MEI4: variants seen among roughly 807,000 people sequenced by gnomAD.
The protein encoded by MEI4 is meiosis-specific protein MEI4.
Under a neutral mutation model 31.4 loss-of-function variants are expected in MEI4, and 27 were observed. That is an observed-to-expected ratio of 0.86 (90% CI 0.63 to 1.19). The LOEUF (loss-of-function observed/expected upper bound fraction) is 1.19. MEI4 is among the 50% of genes most tolerant of loss of function. The pLI, the probability that MEI4 is intolerant of heterozygous loss-of-function variation, is 0.00. For missense variants in MEI4, 329 were observed against 398.9 expected, an observed-to-expected ratio of 0.82 and a Z score of 1.49; for synonymous variants, 122 against 145.4, an observed-to-expected ratio of 0.84 and a Z score of 1.16.
chr6:77,745,232 G>A lies in MEI4; in HGVS notation c.233-15898G>A, dbSNP rs9448196. On this transcript the variant is annotated intron_variant, in intron 2 of 4. Coordinates refer to ENST00000684080, the MANE Select transcript of MEI4 (RefSeq NM_001322247.2). ...GCTATATTCAGTAAACCCATCTCAC[G>A]TGCAGAGACACACATAGGCTCAAAA... 6.9e-3 allele frequency among the ~76,000 whole-genome samples: 1,055 copies of A among 152,206 alleles called. 13 individuals carry two copies. The highest frequency in any genetic ancestry group is 0.024 in the African/African-American group (987 of 41,520).
At chr6:77,843,747 A>C (rs1770416195) in intron 4 of MEI4, among the ~76,000 whole-genome samples, 1 of 152,086 alleles carries the variant, frequency 6.6e-6, no homozygotes, top group African/African-American at 2.4e-5. Flanking sequence ...TGCAACTCAA[A>C]ATATGAAAAT....
chr6:77,902,869 A>G (rs1305363791), intron 4 of MEI4, among the ~76,000 whole-genome samples: 1 of 152,114 alleles, frequency 6.6e-6, no homozygotes, highest in African/African-American at 2.4e-5. Flanking sequence ...CCTAGAATGT[A>G]TAAAACCAAA....
chr6:77,651,788 G>A (rs1304746259), upstream of MEI4, among the ~76,000 whole-genome samples: 1 of 152,172 alleles, frequency 6.6e-6, no homozygotes, highest in East Asian at 1.9e-4. Flanking sequence ...AAATTCAGAT[G>A]TAAAATTTGA....
chr6:77,860,865 C>T (rs967017563), intron 4 of MEI4, among the ~76,000 whole-genome samples: 3 of 152,100 alleles, frequency 2.0e-5, no homozygotes, highest in African/African-American at 7.2e-5. Context: ...AACATTTTAT[C>T]TCTTCTTCTA....
intron 2 of MEI4, among the ~76,000 whole-genome samples, chr6:77,754,986 T>A (rs1767875828): frequency 6.6e-6 from 1 of 152,040 alleles, no homozygotes; most frequent in South Asian, 2.1e-4. Context: ...TATCAATGGG[T>A]TTAATTTTAT....
At chr6:77,652,287 G>C (rs1220297181), upstream of MEI4, among the ~76,000 whole-genome samples, 1 of 152,152 alleles carries the variant, frequency 6.6e-6, no homozygotes, top group African/African-American at 2.4e-5. Context: ...ATAATCATGG[G>C]AGTAAGGCTG....
chr6:77,753,490 G>A (rs546932144), intron 2 of MEI4, among the ~76,000 whole-genome samples: 10 of 152,140 alleles, frequency 6.6e-5, no homozygotes, highest in South Asian at 2.1e-4. Flanking sequence ...GCCAACAAAC[G>A]TATGAAAAAA....
intron 3 of MEI4, among the ~76,000 whole-genome samples, chr6:77,768,839 T>C (rs1438530883): frequency 1.3e-5 from 2 of 152,188 alleles, no homozygotes; most frequent in African/African-American, 2.4e-5. Flanking sequence ...TATAATTGCA[T>C]ATACAGCCTT....
At chr6:77,868,700 A>G (rs1771123808) in intron 4 of MEI4, among the ~76,000 whole-genome samples, 1 of 151,690 alleles carries the variant, frequency 6.6e-6, no homozygotes. Context: ...AGCCATATCT[A>G]AACTTATTTT....
intron 3 of MEI4, among the ~76,000 whole-genome samples, chr6:77,827,109 C>G (rs57593564): frequency 6.6e-6 from 1 of 152,026 alleles, no homozygotes; most frequent in African/African-American, 2.4e-5. Context: ...ACCTGTAATC[C>G]CAGCACTTTG....
chr6:77,918,165 C>T (rs1766611372), intron 4 of MEI4, among the ~76,000 whole-genome samples: 1 of 151,568 alleles, frequency 6.6e-6, no homozygotes, highest in Non-Finnish European at 1.5e-5. Flanking sequence ...GTTTTGGTTA[C>T]TGTAGCCTTG....
chr6:77,921,397 T>C (rs1766699618), intron 4 of MEI4, among the ~76,000 whole-genome samples: 1 of 151,826 alleles, frequency 6.6e-6, no homozygotes, highest in Non-Finnish European at 1.5e-5. Context: ...AGGTATTGGC[T>C]TAAGTGAATA....
intron 2 of MEI4, among the ~76,000 whole-genome samples, chr6:77,741,640 TTAAG>T (rs1243815220): frequency 6.6e-6 from 1 of 152,096 alleles, no homozygotes; most frequent in African/African-American, 2.4e-5. Context: ...TATTTTTAAT[TTAAG>T]TTTTAGGGTA....
At chr6:77,699,687 GT>G (rs2127655863) in intron 2 of MEI4, among the ~76,000 whole-genome samples, 1 of 152,118 alleles carries the variant, frequency 6.6e-6, no homozygotes, top group East Asian at 1.9e-4. Context: ...TTTCTGCTGT[GT>G]TTTTTCCCCA....
chr6:77,775,430 C>T (rs1371011443), intron 3 of MEI4, among the ~76,000 whole-genome samples: 1 of 152,050 alleles, frequency 6.6e-6, no homozygotes, highest in Non-Finnish European at 1.5e-5. Flanking sequence ...TGAGAACATA[C>T]AATGTCTGGT....
intron 1 of MEI4, among the ~76,000 whole-genome samples, chr6:77,678,526 C>T (rs1365527929): frequency 3.8e-5 from 1 of 26,358 alleles, no homozygotes; most frequent in Non-Finnish European, 6.5e-5. Context: ...CTGAAAAATC[C>T]TTGTCTCCTG....
chr6:77,776,800 TTAAC>T (rs1008929611), intron 3 of MEI4, among the ~76,000 whole-genome samples: 1 of 152,190 alleles, frequency 6.6e-6, no homozygotes, highest in Non-Finnish European at 1.5e-5. Context: ...ACAAAACATC[TTAAC>T]TAGCTAGGTC....
intron 2 of MEI4, among the ~76,000 whole-genome samples, chr6:77,742,851 T>A (rs958100797): frequency 1.3e-5 from 2 of 152,088 alleles, no homozygotes; most frequent in African/African-American, 4.8e-5. Flanking sequence ...CTAGCCAGTT[T>A]TCCCAGCACC....
At chr6:77,732,332 A>G (rs1170275609) in intron 2 of MEI4, among the ~76,000 whole-genome samples, 7 of 152,050 alleles carry the variant, frequency 4.6e-5, no homozygotes, top group South Asian at 2.1e-4. Flanking sequence ...TCTCCTTGAA[A>G]AGGTCCTTCA....
Sources: gnomAD v4.1 joint callset for allele counts (sites outside exome capture counted in the v4.1 genomes callset) on GRCh38, gnomAD v4.1.1 for gene constraint, MANE v1.5 for transcripts, NCBI Gene and HGNC (gene_info 2026-07-23, HGNC 2026-07-21) for gene names.